Variants in SYTL2 observed in about 807,000 individuals in gnomAD.
The protein encoded by SYTL2 is synaptotagmin-like protein 2.
SYTL2 carries 165 observed loss-of-function variants against 198.7 expected under a neutral mutation model. The observed-to-expected ratio is 0.83, with a 90% confidence interval of 0.73 to 0.94. The LOEUF is 0.94. Among genes scored for constraint, SYTL2 ranks in the 40% least tolerant of loss-of-function variants. The pLI is 0.00. For synonymous variants in SYTL2, 966 were observed against 917.7 expected, an observed-to-expected ratio of 1.05 and a Z score of -0.95; for missense variants, 2,835 against 2,582.8, an observed-to-expected ratio of 1.10 and a Z score of -2.12.
chr11:85,762,196 A>AC (rs991060296), intron 1 of SYTL2, among the ~76,000 whole-genome samples: 2 of 152,172 alleles, frequency 1.3e-5, no homozygotes, highest in Admixed American at 1.3e-4. Flanking sequence ...AGACTCACCG[A>AC]CCCAGACCCG....
Position 85,707,434 on chromosome 11 carries a change from G to A in SYTL2, c.6013C>T (p.Leu2005=), listed in dbSNP as rs2085361068. 1.2e-6 allele frequency: 2 copies of A among 1,610,566 alleles called. No homozygotes were observed. The highest frequency in any genetic ancestry group is 1.7e-5 in the Admixed American group (1 of 59,916). The change falls in exon 15 of 20, where the codon CTG becomes TTG. Residue 2005 remains leucine, a synonymous_variant. Transcript: ENST00000359152. ...TAGAGAGAGTTCATAGATACCCGCA[G>A]TATTTCGTTATACACAGGATTCAAG... ...KTLNPVYNEI[L]RYKIEKQILK...
At chr11:85,718,565 G>T in intron 10 of SYTL2, 1 of 544,090 alleles carries the variant, frequency 1.8e-6, no homozygotes, top group East Asian at 3.0e-5. Flanking sequence ...CTTCACAAGG[G>T]TCTCTGATGA....
At chr11:85,712,970 C>A (rs1425777565) in intron 12 of SYTL2, among the ~76,000 whole-genome samples, 2 of 152,146 alleles carry the variant, frequency 1.3e-5, no homozygotes, top group Non-Finnish European at 1.5e-5. Context: ...CTGCCCGTCT[C>A]AGTTTCCCAA....
chr11:85,820,761 C>T, the SYTL2 span, among the ~76,000 whole-genome samples: 3 of 152,158 alleles, frequency 2.0e-5, no homozygotes, highest in African/African-American at 7.2e-5. Context: ...CACAAGAAAA[C>T]GTTCTACATC....
intron 9 of SYTL2, chr11:85,719,201 T>A: frequency 1.6e-6 from 2 of 1,246,966 alleles, no homozygotes; most frequent in Non-Finnish European, 2.0e-6. Flanking sequence ...ACTAACACCT[T>A]CCCAAACCCA....
intron 10 of SYTL2, 127 bp downstream of exon 10, chr11:85,718,663 G>T: frequency 1.3e-6 from 1 of 741,848 alleles, no homozygotes; most frequent in Admixed American, 2.4e-5. Flanking sequence ...TAGTAACTTA[G>T]GCACTATTCA....
intron 12 of SYTL2, among the ~76,000 whole-genome samples, chr11:85,711,663 C>A (rs765690784): frequency 2.6e-5 from 4 of 152,020 alleles, no homozygotes; most frequent in Admixed American, 6.6e-5. Context: ...TTAGCACAGC[C>A]CCTAACTTCT....
At chr11:85,738,841 T>C (rs1180410724) in intron 4 of SYTL2, among the ~76,000 whole-genome samples, 1 of 152,142 alleles carries the variant, frequency 6.6e-6, no homozygotes, top group Non-Finnish European at 1.5e-5. Context: ...CCTGTCTTTT[T>C]CCACCATCTT....
chr11:85,695,176 G>C lies in SYTL2; in HGVS notation c.*19C>G, dbSNP rs762728416. 4.4e-6 allele frequency: 7 copies of C among 1,605,766 alleles called. No homozygotes were observed. In the African/African-American group the frequency reaches 9.4e-5, roughly 22 times the overall value. On this transcript the variant is annotated 3_prime_UTR_variant, in exon 20 of 20. Transcript: ENST00000359152. ...ACCGGTTTAGTAGTTTTCAGTGGAGGAGCCAGTGGAATTTGGGCTCATTTG... is the reference window on the plus strand; with the variant it reads ...ACCGGTTTAGTAGTTTTCAGTGGAGCAGCCAGTGGAATTTGGGCTCATTTG...
intron 1 of SYTL2, among the ~76,000 whole-genome samples, chr11:85,797,163 C>T (rs1056840955): frequency 4.6e-5 from 7 of 152,186 alleles, no homozygotes; most frequent in Non-Finnish European, 8.8e-5. Flanking sequence ...CAGCTCAAAC[C>T]GACCATATTA....
upstream of SYTL2, among the ~76,000 whole-genome samples, chr11:85,812,075 C>G (rs2093041564): frequency 6.6e-6 from 1 of 152,218 alleles, no homozygotes; most frequent in Admixed American, 6.5e-5. Context: ...CCACTGCACC[C>G]CATCCTGGGT....
chr11:85,743,673 C>A (rs1467791190), intron 4 of SYTL2, among the ~76,000 whole-genome samples: 1 of 152,110 alleles, frequency 6.6e-6, no homozygotes, highest in African/African-American at 2.4e-5. Flanking sequence ...TTATTAGCCT[C>A]AAGTTGAGGA....
intron 1 of SYTL2, among the ~76,000 whole-genome samples, chr11:85,794,632 T>G (rs1450771270): frequency 2.0e-5 from 3 of 152,244 alleles, no homozygotes; most frequent in Non-Finnish European, 1.5e-5. Context: ...TGAGGAAACT[T>G]GCATTTATCA....
chr11:85,759,518 T>C (rs946588472), intron 1 of SYTL2, among the ~76,000 whole-genome samples: 1 of 101,474 alleles, frequency 9.9e-6, no homozygotes, highest in Admixed American at 9.4e-5. Flanking sequence ...GCACATGTCT[T>C]GCATTCTGTA....
chr11:85,757,782 T>C lies in SYTL2; in HGVS notation c.-57A>G. 6.3e-7 allele frequency: 1 copy of C among 1,599,174 alleles called. No individual in the cohort carries two copies. The highest frequency in any genetic ancestry group is 8.5e-7 in the Non-Finnish European group (1 of 1,176,928). On this transcript the variant is annotated 5_prime_UTR_variant, in exon 2 of 20. Transcript: ENST00000359152. ...AAATGTGGCTCAAAATTCTCAGGGC[T>C]GAACAACTAAGACTGCAACCAGGAA...
chr11:85,707,791 T>C (rs945554110), intron 14 of SYTL2, among the ~76,000 whole-genome samples: 1 of 151,492 alleles, frequency 6.6e-6, no homozygotes, highest in African/African-American at 2.4e-5. Context: ...CCTTAACTAA[T>C]ATGCAGGGGT....
chr11:85,742,284 C>T (rs900897379), intron 4 of SYTL2, among the ~76,000 whole-genome samples: 8 of 152,160 alleles, frequency 5.3e-5, no homozygotes, highest in Non-Finnish European at 1.5e-5. Flanking sequence ...CTATAATTGC[C>T]AGGGCTTATG....
rs963930245 is a variant in SYTL2, at chr11:85,724,969, T to A, written c.4389A>T (p.Ser1463=). The A allele has an allele frequency of 1.9e-6, 3 of 1,611,124 alleles. No individual in the cohort carries two copies. Among genetic ancestry groups the A allele is most frequent in the Non-Finnish European group, 2.5e-6 (3 of 1,177,488 alleles). The stretch of plus-strand genomic sequence containing the variant: ...CATATTGAGCAACAATGGAAGCAAA[T>A]GAGCTAAGCGTCTGGTCTGATGGAG... The part of the protein sequence containing the change: ...QMSPSDQTLS[S]FASIVAQYGK... Residue 1463 remains serine (S), a synonymous_variant, in exon 8 of 20, where the codon TCA becomes TCT. Transcript: ENST00000359152.
rs952912423 is a variant in SYTL2 at position 85,733,931 on chromosome 11, T to G, written c.1390+8A>C. Reference sequence around the variant, plus strand: ...GTTTTTATAATCTAGTAGTGACAACTCTCTTACCAGCAGGGCTTCTGGGTA... The same window carrying G: ...GTTTTTATAATCTAGTAGTGACAACGCTCTTACCAGCAGGGCTTCTGGGTA... On this transcript the variant is annotated splice_region_variant and intron_variant, in intron 7 of 19. Transcript: ENST00000359152. 6.2e-7 allele frequency: 1 copy of G among 1,612,546 alleles called. No individual in the cohort carries two copies. The highest frequency in any genetic ancestry group is 8.5e-7 in the Non-Finnish European group (1 of 1,178,914).
Sources: allele counts gnomAD v4.1 joint callset (sites outside exome capture counted in the v4.1 genomes callset), GRCh38; gene constraint gnomAD v4.1.1; transcripts MANE v1.5; gene names NCBI Gene and HGNC (gene_info 2026-07-23, HGNC 2026-07-21).